Variants in TWF1 observed in about 807,000 individuals in gnomAD.
The protein encoded by TWF1 is twinfilin actin binding protein 1, also known as twinfilin-1.
In TWF1, 14 loss-of-function variants were observed where a neutral mutation model predicts 47.9. That is an observed-to-expected ratio of 0.29 (90% CI 0.19 to 0.46). TWF1 has a LOEUF of 0.46. TWF1 is among the 20% of genes least tolerant of loss of function. The pLI is 1.00. For missense variants in TWF1, 281 were observed against 409.3 expected (o/e 0.69, Z 2.70); for synonymous variants, 96 against 139.2 (o/e 0.69, Z 2.18).
chr12:43,806,310 A>AGGAAGTGGCTGCTCCCG lies in TWF1; in HGVS notation c.-66_-65insCGGGAGCAGCCACTTCC. On this transcript the variant is annotated 5_prime_UTR_variant, in exon 1 of 9. Transcript: ENST00000395510. The stretch of plus-strand genomic sequence containing the variant: ...GCCAGCGGCCCCGGCCGGCGGCCCC[A>AGGAAGTGGCTGCTCCCG]GGAAGTGGCTGCTCCTCCGCCGGCC... 1 of 1,416,964 alleles carries AGGAAGTGGCTGCTCCCG rather than the reference A, an allele frequency of 7.1e-7. No individual in the cohort carries two copies. The highest frequency in any genetic ancestry group is 9.2e-7 in the Non-Finnish European group (1 of 1,086,100). 87.8% of individuals were successfully genotyped at this position (1,416,964 alleles called of 1,614,324 possible). A position where few individuals can be genotyped will look rare whatever the true frequency, so the allele number is the denominator to read the frequency against.
chr12:43,797,597 T>C, intron 6 of TWF1, 111 bp downstream of exon 6: 1 of 1,448,550 alleles, frequency 6.9e-7, no homozygotes, highest in Non-Finnish European at 9.3e-7. Flanking sequence ...CAAAATGAAT[T>C]TTAGAAATCA....
At chr12:43,796,432 T>C (rs142852295) in intron 8 of TWF1, among the ~76,000 whole-genome samples, 13 of 152,276 alleles carry the variant, frequency 8.5e-5, no homozygotes, top group African/African-American at 3.1e-4. Flanking sequence ...GCCTTATCTG[T>C]ACTTAAGAAA....
intron 3 of TWF1, among the ~76,000 whole-genome samples, chr12:43,800,825 A>G (rs1396059855): frequency 6.6e-6 from 1 of 152,176 alleles, no homozygotes; most frequent in African/African-American, 2.4e-5. Context: ...ATCTCAGCTC[A>G]CTGCAACCTC....
At position 43,794,263 on chromosome 12, in the gene TWF1, A is replaced by C. The variant is rs1942512073; in HGVS notation, c.*1322T>G. 1 of 152,662 alleles carries C rather than the reference A, an allele frequency of 6.6e-6. No individual in the cohort carries two copies. Among genetic ancestry groups the C allele is most frequent in the African/African-American group, 2.4e-5 (1 of 41,462 alleles). 9.5% of individuals were successfully genotyped at this position (152,662 alleles called of 1,614,324 possible). A position where few individuals can be genotyped will look rare whatever the true frequency, so the allele number is the denominator to read the frequency against. On this transcript the variant is annotated 3_prime_UTR_variant, in exon 9 of 9. Coordinates refer to ENST00000395510, the MANE Select transcript of TWF1 (RefSeq NM_002822.5). ...TATTATAGTCTGATTATTTGTAAAC[A>C]AACAAAACCCCAAATACTCTAAATT...
intron 4 of TWF1, 110 bp downstream of exon 4, chr12:43,800,325 C>T: frequency 1.4e-6 from 1 of 724,284 alleles, no homozygotes; most frequent in Non-Finnish European, 2.3e-6. Flanking sequence ...TTCTCTTATT[C>T]TCATGTTTTC....
intron 2 of TWF1, among the ~76,000 whole-genome samples, chr12:43,802,960 T>C (rs1942688967): frequency 6.6e-6 from 1 of 152,180 alleles, no homozygotes; most frequent in Non-Finnish European, 1.5e-5. Context: ...TATACACTGG[T>C]ATAGCCACTT....
rs1301125646 is a variant in TWF1, at chr12:43,799,623, G to GAATTTTAATATCTTTTTACT, written c.379-141_379-122dup. On this transcript the variant is annotated intron_variant, in intron 4 of 8. Transcript: ENST00000395510. Reference sequence around the variant, plus strand: ...TTTAAATGAAAATAAATAGCATTATGAATTTTAATATCTTTTTACTTTTCT... The same window carrying GAATTTTAATATCTTTTTACT: ...TTTAAATGAAAATAAATAGCATTATGAATTTTAATATCTTTTTACTAATTTTAATATCTTTTTACTTTTCT... 1.5e-5 allele frequency: 8 copies of GAATTTTAATATCTTTTTACT among 527,458 alleles called. No homozygotes were observed. The East Asian group carries it at 2.0e-4, about 13-fold the overall frequency. 32.7% of individuals were successfully genotyped at this position (527,458 alleles called of 1,614,324 possible).
intron 8 of TWF1, 118 bp downstream of exon 8, chr12:43,796,858 T>C: frequency 8.9e-7 from 1 of 1,118,578 alleles, no homozygotes; most frequent in Non-Finnish European, 1.3e-6. Flanking sequence ...CCTAAGGATT[T>C]AGGATGATAA....
chr12:43,798,398 G>A (rs1159193728), intron 5 of TWF1, among the ~76,000 whole-genome samples: 1 of 152,056 alleles, frequency 6.6e-6, no homozygotes, highest in East Asian at 1.9e-4. Flanking sequence ...CAATGCACAT[G>A]TTTAAGATTT....
chr12:43,797,258 T>A (rs756822552), intron 7 of TWF1, 44 bp downstream of exon 7: 1 of 1,536,662 alleles, frequency 6.5e-7, no homozygotes, highest in Non-Finnish European at 8.8e-7. Context: ...GATACACCAA[T>A]AAACAAACTG....
At chr12:43,803,854 G>C (rs908619497) in intron 2 of TWF1, among the ~76,000 whole-genome samples, 7 of 152,042 alleles carry the variant, frequency 4.6e-5, no homozygotes, top group African/African-American at 1.7e-4. Flanking sequence ...AGATATTTAA[G>C]AAATTAGGCC....
At chr12:43,799,120 A>G (rs1942611937) in intron 5 of TWF1, among the ~76,000 whole-genome samples, 1 of 152,144 alleles carries the variant, frequency 6.6e-6, no homozygotes, top group African/African-American at 2.4e-5. Context: ...TTCAAAGTAC[A>G]AAGTTCACAA....
chr12:43,799,612 A>T, intron 4 of TWF1, 110 bp from the exon 5 acceptor site: 1 of 556,870 alleles, frequency 1.8e-6, no homozygotes, highest in Admixed American at 3.8e-5. Context: ...AATGAAAATA[A>T]ATAGCATTAT....
chr12:43,803,264 G>A (rs981196191), intron 2 of TWF1, among the ~76,000 whole-genome samples: 6 of 152,098 alleles, frequency 3.9e-5, no homozygotes, highest in Non-Finnish European at 5.9e-5. Flanking sequence ...AACTCAAAGA[G>A]CACTATATGC....
intron 1 of TWF1, among the ~76,000 whole-genome samples, chr12:43,805,241 A>C (rs1020202905): frequency 1.3e-5 from 2 of 152,190 alleles, no homozygotes; most frequent in African/African-American, 4.8e-5. Flanking sequence ...AGTGCTTGCT[A>C]TAAGGCTCAA....
intron 3 of TWF1, among the ~76,000 whole-genome samples, 178 bp from the exon 4 acceptor site, chr12:43,800,708 T>A (rs1324231774): frequency 1.3e-5 from 2 of 152,210 alleles, no homozygotes; most frequent in Non-Finnish European, 2.9e-5. Context: ...CATGGGCATC[T>A]AAACTATCAA....
At position 43,800,422 on chromosome 12, in the gene TWF1, A is replaced by G. The variant is rs1415829415; in HGVS notation, c.378+13T>C. 1.9e-6 allele frequency: 3 copies of G among 1,597,082 alleles called. No homozygotes were observed. The highest frequency in any genetic ancestry group is 8.6e-7 in the Non-Finnish European group (1 of 1,168,878). On this transcript the variant is annotated intron_variant, in intron 4 of 8. Coordinates refer to ENST00000395510, the MANE Select transcript of TWF1 (RefSeq NM_002822.5). ...TAATTGCAACATATAGAATCCACAT[A>G]CAAACATAATACCTTTACTGTTCCA...
At chr12:43,800,578 T>A (rs768107739) in intron 3 of TWF1, 48 bp from the exon 4 acceptor site, 1 of 1,435,910 alleles carries the variant, frequency 7.0e-7, no homozygotes, top group Non-Finnish European at 9.8e-7. Context: ...AAACATAACA[T>A]TACAAAAGCA....
chr12:43,804,215 A>C (rs1417846685), intron 2 of TWF1: 1 of 476,552 alleles, frequency 2.1e-6, no homozygotes. Flanking sequence ...AAGCACTGAC[A>C]TTAGAAATGG....
Sources: gnomAD v4.1 joint callset for allele counts (sites outside exome capture counted in the v4.1 genomes callset) on GRCh38, gnomAD v4.1.1 for gene constraint, MANE v1.5 for transcripts, NCBI Gene and HGNC (gene_info 2026-07-23, HGNC 2026-07-21) for gene names.